UACA: variants seen among roughly 807,000 people sequenced by gnomAD.
UACA encodes the protein uveal autoantigen with coiled-coil domains and ankyrin repeats.
A neutral mutation model predicts 160.5 loss-of-function variants in UACA; 112 were observed. The observed-to-expected ratio is 0.70, with a 90% confidence interval of 0.60 to 0.82. The LOEUF (loss-of-function observed/expected upper bound fraction) is 0.82, where lower values mean the gene tolerates loss of function less well. Ranked by LOEUF, UACA falls within the 40% of genes least tolerant of loss-of-function variation. The pLI, the probability that UACA is intolerant of heterozygous loss-of-function variation, is 0.00. For synonymous variants in UACA, 557 were observed against 568.4 expected, an observed-to-expected ratio of 0.98 and a Z score of 0.29; for missense variants, 1,574 against 1,614.6, an observed-to-expected ratio of 0.97 and a Z score of 0.43.
At chr15:70,675,537 C>T (rs1897280418) in intron 13 of UACA, among the ~76,000 whole-genome samples, 1 of 152,204 alleles carries the variant, frequency 6.6e-6, no homozygotes, top group African/African-American at 2.4e-5. Flanking sequence ...TAACCCCTCA[C>T]CAAACGGCGG....
Position 70,656,596 on chromosome 15 carries a change from C to T in UACA, c.*460G>A. 1 of 152,678 alleles carries T rather than the reference C, an allele frequency of 6.5e-6. No individual in the cohort carries two copies. The highest frequency in any genetic ancestry group is 1.5e-5 in the Non-Finnish European group (1 of 68,326). 9.5% of individuals were successfully genotyped at this position (152,678 alleles called of 1,614,324 possible). On this transcript the variant is annotated 3_prime_UTR_variant, in exon 19 of 19. Coordinates refer to ENST00000322954, the MANE Select transcript of UACA (RefSeq NM_018003.4). Reference sequence around the variant, plus strand: ...AAAGATACTGTAACATGTAACTTGGCCAGCCAAGTTACAACACATTCCTCA... The same window carrying T: ...AAAGATACTGTAACATGTAACTTGGTCAGCCAAGTTACAACACATTCCTCA...
At chr15:70,755,040 C>A (rs1010196472) in intron 1 of UACA, among the ~76,000 whole-genome samples, 1 of 152,102 alleles carries the variant, frequency 6.6e-6, no homozygotes, top group South Asian at 2.1e-4. Flanking sequence ...TATGCTGTAT[C>A]CTTTAGGTGG....
chr15:70,768,037 G>C (rs922096234), upstream of UACA: 7 of 152,310 alleles, frequency 4.6e-5, no homozygotes, highest in African/African-American at 1.2e-4. Flanking sequence ...TGTATTTTTA[G>C]TAAGCTCACC....
At chr15:70,692,326 T>C (rs1484715923) in intron 3 of UACA, among the ~76,000 whole-genome samples, 1 of 152,148 alleles carries the variant, frequency 6.6e-6, no homozygotes, top group Non-Finnish European at 1.5e-5. Flanking sequence ...CATGTGCAGC[T>C]AATTTGTTTA....
At position 70,667,559 on chromosome 15, in the gene UACA, T is replaced by C. The variant is rs923326489; in HGVS notation, c.3125A>G (p.Lys1042Arg). ...KLKKEIFTLQ[K>R]DLRDKTVLIE... Reference sequence around the variant, plus strand: ...GAGAACTGTCTTATCTCTCAAATCTTTCTGAAGGGTAAAAATCTCCTTCTT... The same window carrying C: ...GAGAACTGTCTTATCTCTCAAATCTCTCTGAAGGGTAAAAATCTCCTTCTT... Residue 1042 changes from lysine to arginine, a missense_variant, in exon 16 of 19, where the codon AAA becomes AGA. Transcript: ENST00000322954. The C allele has an allele frequency of 6.2e-7, 1 of 1,613,152 alleles. No individual in the cohort carries two copies. Among genetic ancestry groups the C allele is most frequent in the East Asian group, 2.2e-5 (1 of 44,878 alleles).
rs772738557 is a variant in UACA at position 70,667,581 on chromosome 15, T to C, written c.3103A>G (p.Lys1035Glu). Reference sequence around the variant, plus strand: ...TCTTTCTGAAGGGTAAAAATCTCCTTCTTTAACTTGTCATTCTCTTGCTTG... The same window carrying C: ...TCTTTCTGAAGGGTAAAAATCTCCTCCTTTAACTTGTCATTCTCTTGCTTG... ...KNKQENDKLK[K>E]EIFTLQKDLR... Residue 1035 changes from lysine to glutamate, a missense_variant, in exon 16 of 19, where the codon AAG becomes GAG. Physicochemically the swap from Lys to Glu is moderately conservative, Grantham distance 56. Transcript: ENST00000322954. 75 of 1,613,046 alleles carry C rather than the reference T, an allele frequency of 4.6e-5. 1 individual carries two copies. In the South Asian group the frequency reaches 7.6e-4, roughly 16 times the overall value.
chr15:70,767,046 C>G (rs1266492009), upstream of UACA, among the ~76,000 whole-genome samples: 1 of 151,484 alleles, frequency 6.6e-6, no homozygotes, highest in African/African-American at 2.4e-5. Context: ...CGAGACAATC[C>G]TGGCTAATAT....
At chr15:70,702,855 G>GAAT (rs1356735134) in intron 1 of UACA, among the ~76,000 whole-genome samples, 1 of 152,150 alleles carries the variant, frequency 6.6e-6, no homozygotes, top group African/African-American at 2.4e-5. Context: ...ACATTAAATA[G>GAAT]AATACATAGT....
intron 1 of UACA, among the ~76,000 whole-genome samples, chr15:70,719,264 T>TA (rs1388081115): frequency 5.3e-5 from 8 of 152,004 alleles, no homozygotes; most frequent in Non-Finnish European, 1.2e-4. Context: ...TTCCAACAAG[T>TA]AAAAAGGGTT....
At chr15:70,701,955 T>G in intron 1 of UACA, 1 of 1,608,062 alleles carries the variant, frequency 6.2e-7, no homozygotes, top group Non-Finnish European at 8.5e-7. Flanking sequence ...GCAAACTACT[T>G]TGCATTAAGT....
intron 15 of UACA, among the ~76,000 whole-genome samples, chr15:70,670,764 T>C (rs1238463312): frequency 1.3e-5 from 2 of 152,186 alleles, no homozygotes; most frequent in Non-Finnish European, 2.9e-5. Context: ...AACTAATCAC[T>C]GTTAATGAAC....
intron 9 of UACA, among the ~76,000 whole-genome samples, chr15:70,680,218 TTC>T (rs1190297717): frequency 6.6e-6 from 1 of 152,186 alleles, no homozygotes; most frequent in Non-Finnish European, 1.5e-5. Context: ...TGGGTGTATG[TTC>T]TGTTTTTGTA....
intron 1 of UACA, among the ~76,000 whole-genome samples, chr15:70,704,294 C>A (rs1321136162): frequency 6.6e-6 from 1 of 152,172 alleles, no homozygotes; most frequent in Non-Finnish European, 1.5e-5. Context: ...CATTGTTCCC[C>A]AGTAAACTAT....
the UACA span, among the ~76,000 whole-genome samples, chr15:70,769,951 T>C: frequency 6.6e-6 from 1 of 152,074 alleles, no homozygotes; most frequent in African/African-American, 2.4e-5. Flanking sequence ...GAGCAGAGAT[T>C]GCGCCATTGC....
chr15:70,742,202 A>G (rs993203952), intron 1 of UACA, among the ~76,000 whole-genome samples: 1 of 152,252 alleles, frequency 6.6e-6, no homozygotes, highest in Non-Finnish European at 1.5e-5. Flanking sequence ...GTTATAAGTA[A>G]TAATAGGCAC....
intron 1 of UACA, among the ~76,000 whole-genome samples, chr15:70,759,038 G>A (rs746201013): frequency 6.6e-6 from 1 of 152,118 alleles, no homozygotes; most frequent in Non-Finnish European, 1.5e-5. Context: ...ATCACGTCGG[G>A]CTAATCTTGT....
intron 1 of UACA, among the ~76,000 whole-genome samples, chr15:70,718,323 A>ACTGTGT (rs1491099807): frequency 1.3e-4 from 2 of 15,626 alleles, no homozygotes; most frequent in East Asian, 2.4e-3. Context: ...AGAGAGAGAG[A>ACTGTGT]ATGTGTGTGT....
chr15:70,693,133 G>A (rs1897998672), intron 3 of UACA, among the ~76,000 whole-genome samples: 1 of 152,210 alleles, frequency 6.6e-6, no homozygotes, highest in Non-Finnish European at 1.5e-5. Context: ...GTAAGAGATA[G>A]CATGGAGTGG....
intron 1 of UACA, 28 bp downstream of exon 1, chr15:70,763,302 G>A: frequency 1.5e-6 from 2 of 1,322,610 alleles, no homozygotes; most frequent in Non-Finnish European, 1.9e-6. Flanking sequence ...GGAGCGGAGC[G>A]CCTCGCAGCC....
Sources: allele counts gnomAD v4.1 joint callset (sites outside exome capture counted in the v4.1 genomes callset), GRCh38; gene constraint gnomAD v4.1.1; transcripts MANE v1.5; gene names NCBI Gene and HGNC (gene_info 2026-07-23, HGNC 2026-07-21).